The following PPP1R13B variants were observed in gnomAD, a reference collection of about 807,000 sequenced individuals.
The protein encoded by PPP1R13B is protein phosphatase 1 regulatory subunit 13B.
A neutral mutation model predicts 119.8 loss-of-function variants in PPP1R13B; 44 were observed. The ratio of observed to expected loss-of-function variants is 0.37; its 90% confidence interval spans 0.29 to 0.47. PPP1R13B has a LOEUF of 0.47. Among genes scored for constraint, PPP1R13B ranks in the 20% least tolerant of loss-of-function variants. The pLI is 0.99. For missense variants in PPP1R13B, 1,227 were observed against 1,413.5 expected, an observed-to-expected ratio of 0.87 and a Z score of 2.12; for synonymous variants, 542 against 561.5, an observed-to-expected ratio of 0.97 and a Z score of 0.49.
At chr14:103,811,171 C>T (rs2086146633) in intron 1 of PPP1R13B, among the ~76,000 whole-genome samples, 3 of 149,498 alleles carry the variant, frequency 2.0e-5, no homozygotes, top group South Asian at 2.1e-4. Context: ...ATGTTGATCA[C>T]GTGAATATTA....
At chr14:103,770,393 T>C (rs2085040089) in intron 4 of PPP1R13B, among the ~76,000 whole-genome samples, 1 of 152,026 alleles carries the variant, frequency 6.6e-6, no homozygotes, top group South Asian at 2.1e-4. Context: ...CGCATGCCTG[T>C]AGTCCCAGCT....
At chr14:103,801,606 G>A (rs2085901887) in intron 1 of PPP1R13B, among the ~76,000 whole-genome samples, 4 of 152,118 alleles carry the variant, frequency 2.6e-5, no homozygotes, top group Admixed American at 2.6e-4. Flanking sequence ...ACGATCCAGT[G>A]GCTCTTCACA....
intron 4 of PPP1R13B, among the ~76,000 whole-genome samples, chr14:103,764,908 TC>T (rs551364422): frequency 6.6e-6 from 1 of 152,142 alleles, no homozygotes; most frequent in South Asian, 2.1e-4. Context: ...AAGCTCTGCC[TC>T]CCGGGTTCAT....
intron 1 of PPP1R13B, among the ~76,000 whole-genome samples, chr14:103,843,951 CAAA>C (rs35687195): frequency 7.5e-6 from 1 of 132,590 alleles, no homozygotes. Context: ...GACTCCGTCT[CAAA>C]AAAAAAAAAA....
At position 103,787,812 on chromosome 14, in the gene PPP1R13B, G is replaced by A. The variant is rs113688852; in HGVS notation, c.158-2898C>T. ...GGGACTACAGGTGTGCACCACCTACGCCCGGCTAATTTTATTTTTAGTAGA... is the reference window on the plus strand; with the variant it reads ...GGGACTACAGGTGTGCACCACCTACACCCGGCTAATTTTATTTTTAGTAGA... On this transcript the variant is annotated intron_variant, in intron 2 of 16. Coordinates refer to ENST00000202556, the MANE Select transcript of PPP1R13B (RefSeq NM_015316.3). Among the ~76,000 whole-genome samples the A allele has an allele frequency of 6.0e-3, 915 of 151,846 alleles. 13 individuals are homozygous for A. Among genetic ancestry groups the A allele is most frequent in the African/African-American group, 0.021 (877 of 41,438 alleles).
chr14:103,752,978 C>G (rs1225845880), intron 7 of PPP1R13B, 22 bp downstream of exon 7: 1 of 1,605,470 alleles, frequency 6.2e-7, no homozygotes, highest in Admixed American at 1.7e-5. Flanking sequence ...TTAATACAAC[C>G]ATTGCCAGAC....
At chr14:103,798,878 CAG>C (rs2085826001) in intron 1 of PPP1R13B, among the ~76,000 whole-genome samples, 1 of 151,968 alleles carries the variant, frequency 6.6e-6, no homozygotes, top group Non-Finnish European at 1.5e-5. Flanking sequence ...TCTGTAGAGA[CAG>C]GGTATTGCCA....
chr14:103,833,817 CCTGA>C (rs982890744), intron 1 of PPP1R13B, among the ~76,000 whole-genome samples: 35 of 152,218 alleles, frequency 2.3e-4, no homozygotes, highest in African/African-American at 8.2e-4. Flanking sequence ...CACCTTGTAT[CCTGA>C]CTTTTATCTT....
At chr14:103,777,304 T>G (rs1045271250) in intron 4 of PPP1R13B, among the ~76,000 whole-genome samples, 1 of 152,018 alleles carries the variant, frequency 6.6e-6, no homozygotes, top group Admixed American at 6.6e-5. Flanking sequence ...ACACCAACAT[T>G]TCTTACAAAG....
intron 1 of PPP1R13B, among the ~76,000 whole-genome samples, chr14:103,840,828 T>C (rs1311172334): frequency 6.6e-6 from 1 of 151,946 alleles, no homozygotes; most frequent in African/African-American, 2.4e-5. Context: ...AAGAACATTA[T>C]TGTGTATTTT....
chr14:103,804,629 G>A (rs1406636091), intron 1 of PPP1R13B, among the ~76,000 whole-genome samples: 1 of 152,000 alleles, frequency 6.6e-6, no homozygotes, highest in African/African-American at 2.4e-5. Context: ...CACCTACTCG[G>A]GACACTGAGG....
At chr14:103,778,695 T>C (rs538046225) in intron 4 of PPP1R13B, 50 bp downstream of exon 4, 7 of 1,452,206 alleles carry the variant, frequency 4.8e-6, no homozygotes, top group Admixed American at 3.4e-5. Flanking sequence ...TGTAACCCAC[T>C]GCACCTAGCC....
intron 1 of PPP1R13B, among the ~76,000 whole-genome samples, chr14:103,830,641 T>C (rs536628989): frequency 4.3e-4 from 65 of 152,306 alleles, no homozygotes; most frequent in African/African-American, 1.5e-3. Flanking sequence ...TATTCATAAC[T>C]GAAAACTACT....
intron 9 of PPP1R13B, among the ~76,000 whole-genome samples, chr14:103,743,270 C>T (rs181510307): frequency 6.6e-6 from 1 of 152,332 alleles, no homozygotes; most frequent in African/African-American, 2.4e-5. Flanking sequence ...ATAGGTTTGA[C>T]CTGTAGTACT....
chr14:103,817,601 T>C (rs953624459), intron 1 of PPP1R13B, among the ~76,000 whole-genome samples: 2 of 152,184 alleles, frequency 1.3e-5, no homozygotes, highest in Middle Eastern at 3.2e-3. Context: ...ATTGACATTT[T>C]AGATAAAATC....
intron 2 of PPP1R13B, among the ~76,000 whole-genome samples, chr14:103,796,763 C>A (rs2085768319): frequency 6.6e-6 from 1 of 152,132 alleles, no homozygotes; most frequent in African/African-American, 2.4e-5. Flanking sequence ...TCAAGACCAG[C>A]CTGGGCAACA....
rs2084712465 is a variant in PPP1R13B at position 103,757,738 on chromosome 14, C to T, written c.368G>A (p.Arg123His). The change falls in exon 5 of 17, where the codon CGT becomes CAT. Residue 123 changes from arginine to histidine, a missense_variant. Transcript: ENST00000202556. Reference protein sequence around the residue: ...KRTENGVGNPRVELTLSELQD... With the variant: ...KRTENGVGNPHVELTLSELQD... ...GAGCTCTGAGAGGGTAAGTTCAACA[C>T]GTGGATTCCCAACCTAAACAAAAAG... is the stretch of plus-strand genomic sequence containing the variant. 13 of 1,613,746 alleles carry T rather than the reference C, an allele frequency of 8.1e-6. No individual in the cohort carries two copies. Among genetic ancestry groups the T allele is most frequent in the African/African-American group, 4.0e-5 (3 of 74,926 alleles).
chr14:103,826,546 T>C (rs1567154144), intron 1 of PPP1R13B, among the ~76,000 whole-genome samples: 1 of 152,196 alleles, frequency 6.6e-6, no homozygotes, highest in East Asian at 1.9e-4. Flanking sequence ...ATTATGGTTT[T>C]ATGACAAACT....
chr14:103,810,949 G>A (rs752089470), intron 1 of PPP1R13B, among the ~76,000 whole-genome samples: 78 of 150,390 alleles, frequency 5.2e-4, no homozygotes, highest in Non-Finnish European at 8.7e-4. Flanking sequence ...AAAATTAGCC[G>A]GGCATGGCAG....
Sources: allele counts gnomAD v4.1 joint callset (sites outside exome capture counted in the v4.1 genomes callset), GRCh38; gene constraint gnomAD v4.1.1; transcripts MANE v1.5; gene names NCBI Gene and HGNC (gene_info 2026-07-23, HGNC 2026-07-21).